LRRC69: variants seen among roughly 807,000 people sequenced by gnomAD.
LRRC69 encodes leucine-rich repeat-containing protein 69.
In LRRC69, 42 loss-of-function variants were observed where a neutral mutation model predicts 37.8. That is an observed-to-expected ratio of 1.11 (90% confidence interval 0.87 to 1.44). LRRC69 has a LOEUF of 1.44. LRRC69 is among the 40% of genes most tolerant of loss of function. The pLI, the probability that LRRC69 is intolerant of heterozygous loss-of-function variation, is 0.00. For synonymous variants in LRRC69, 141 were observed against 143.1 expected, an observed-to-expected ratio of 0.99 and a Z score of 0.11; for missense variants, 357 against 401.9, an observed-to-expected ratio of 0.89 and a Z score of 0.96.
At chr8:91,148,934 GT>G (rs995842874) in intron 5 of LRRC69, among the ~76,000 whole-genome samples, 1 of 151,674 alleles carries the variant, frequency 6.6e-6, no homozygotes, top group Non-Finnish European at 1.5e-5. Flanking sequence ...GGGGTTGTTT[GT>G]TTTTTTCTTG....
intron 6 of LRRC69, among the ~76,000 whole-genome samples, chr8:91,194,106 T>TAA (rs1809550850): frequency 4.3e-3 from 1 of 234 alleles, no homozygotes; most frequent in Non-Finnish European, 0.062. Context: ...ATTGAGATAA[T>TAA]CGTGGTTTTT....
At chr8:91,173,856 T>C (rs1164512286) in intron 5 of LRRC69, among the ~76,000 whole-genome samples, 2 of 151,806 alleles carry the variant, frequency 1.3e-5, no homozygotes, top group Non-Finnish European at 2.9e-5. Context: ...AGGCCCTACC[T>C]CGATACTATC....
chr8:91,188,747 T>C (rs1377555865), intron 5 of LRRC69, among the ~76,000 whole-genome samples: 1 of 152,196 alleles, frequency 6.6e-6, no homozygotes, highest in Non-Finnish European at 1.5e-5. Flanking sequence ...TCTTTTCTTT[T>C]TCTACTGAAG....
chr8:91,211,595 A>AATAT lies in LRRC69; in HGVS notation c.934-7276_934-7273dup, dbSNP rs144378729. On this transcript the variant is annotated intron_variant, in intron 7 of 7. Transcript: ENST00000448384. The stretch of plus-strand genomic sequence containing the variant: ...ATGTTAAGTAGACAGCAATTATACA[A>AATAT]ATATATATATATATATATATATTTT... Among the ~76,000 whole-genome samples, 715 of 140,396 alleles carry AATAT rather than the reference A, an allele frequency of 5.1e-3. 6 individuals are homozygous for AATAT. Among genetic ancestry groups the AATAT allele is most frequent in the South Asian group, 0.017 (72 of 4,266 alleles). The allele number at this position is 140,396 out of a possible 152,430, so 92.1% of individuals were successfully genotyped here. A position where few individuals can be genotyped will look rare whatever the true frequency, so the allele number is the denominator to read the frequency against.
chr8:91,191,744 G>A (rs1809499280), intron 6 of LRRC69, among the ~76,000 whole-genome samples: 1 of 152,184 alleles, frequency 6.6e-6, no homozygotes, highest in Non-Finnish European at 1.5e-5. Flanking sequence ...CTTACAGAGA[G>A]CCTTCAAGGA....
At chr8:91,136,958 C>G (rs1168647392) in intron 5 of LRRC69, among the ~76,000 whole-genome samples, 1 of 152,004 alleles carries the variant, frequency 6.6e-6, no homozygotes, top group African/African-American at 2.4e-5. Context: ...CCACAGGTAT[C>G]TGCCCACCTG....
intron 6 of LRRC69, among the ~76,000 whole-genome samples, chr8:91,197,169 G>C (rs1459288252): frequency 6.6e-6 from 1 of 152,194 alleles, no homozygotes; most frequent in Non-Finnish European, 1.5e-5. Context: ...TCAGGGGTCA[G>C]GGACCCACTT....
chr8:91,210,558 CACAG>C (rs745329168), intron 7 of LRRC69, among the ~76,000 whole-genome samples: 1 of 100,972 alleles, frequency 9.9e-6, no homozygotes, highest in African/African-American at 3.9e-5. Context: ...CACACACACA[CACAG>C]ACACACACAC....
At chr8:91,197,420 T>A (rs908625463) in intron 6 of LRRC69, among the ~76,000 whole-genome samples, 5 of 152,182 alleles carry the variant, frequency 3.3e-5, no homozygotes, top group African/African-American at 9.6e-5. Context: ...GCCTGGCCAA[T>A]GGCGGGCGCC....
intron 5 of LRRC69, among the ~76,000 whole-genome samples, chr8:91,166,392 C>T (rs1042181029): frequency 6.8e-6 from 1 of 147,718 alleles, no homozygotes; most frequent in African/African-American, 2.5e-5. Context: ...TCTTGCCACT[C>T]ATTTTTCCTT....
At chr8:91,142,822 T>C (rs1474127717) in intron 5 of LRRC69, among the ~76,000 whole-genome samples, 1 of 152,016 alleles carries the variant, frequency 6.6e-6, no homozygotes, top group Non-Finnish European at 1.5e-5. Context: ...TGTCCCAGGT[T>C]GGGGCAGTCT....
Position 91,129,293 on chromosome 8 carries a change from T to C in LRRC69, c.383+2133T>C, listed in dbSNP as rs565203991. Reference sequence around the variant, plus strand: ...CAAATTCGTCAGTCAGTGAAGTTGTTCTTCAATCTCCTGGGGAAGACAGAT... The same window carrying C: ...CAAATTCGTCAGTCAGTGAAGTTGTCCTTCAATCTCCTGGGGAAGACAGAT... On this transcript the variant is annotated intron_variant, in intron 3 of 7. Coordinates refer to ENST00000448384, the Ensembl canonical transcript of LRRC69. Among the ~76,000 whole-genome samples the C allele has an allele frequency of 2.0e-5, 3 of 152,114 alleles. No homozygotes were observed. In the South Asian group the frequency reaches 6.2e-4, roughly 32 times the overall value.
chr8:91,160,989 A>C (rs1364914608), intron 5 of LRRC69, among the ~76,000 whole-genome samples: 1 of 151,052 alleles, frequency 6.6e-6, no homozygotes, highest in Non-Finnish European at 1.5e-5. Flanking sequence ...ATTTGTTGAG[A>C]GTTTTTATCA....
intron 5 of LRRC69, chr8:91,158,074 A>G (rs61733739): frequency 1.4e-6 from 2 of 1,428,220 alleles, no homozygotes; most frequent in Admixed American, 3.4e-5. Context: ...CCTACTCAAT[A>G]CATGCCCATG....
intron 1 of LRRC69, 71 bp from the exon 2 acceptor site, chr8:91,124,421 GC>G (rs1190145751): frequency 2.6e-5 from 33 of 1,249,676 alleles, no homozygotes; most frequent in Non-Finnish European, 3.1e-5. Flanking sequence ...GAGCAAGGGA[GC>G]TTAAATTATT....
chr8:91,145,466 G>A lies in LRRC69; in HGVS notation c.651+9727G>A, dbSNP rs538130409. On this transcript the variant is annotated intron_variant, in intron 5 of 7. Coordinates refer to ENST00000448384, the Ensembl canonical transcript of LRRC69. ...GAATAGTTTATTTTCTCTGTTTAAT[G>A]TTAAGGAAAAGTATACCCTATTCTT... Among the ~76,000 whole-genome samples, 3 of 151,964 alleles carry A rather than the reference G, an allele frequency of 2.0e-5. No individual in the cohort carries two copies. In the East Asian group the frequency reaches 5.8e-4, roughly 29 times the overall value.
At chr8:91,166,477 G>T (rs1181010015) in intron 5 of LRRC69, among the ~76,000 whole-genome samples, 6 of 116,204 alleles carry the variant, frequency 5.2e-5, no homozygotes, top group African/African-American at 1.8e-4. Flanking sequence ...GGAAGAGGGG[G>T]TTGTAAAATA....
intron 1 of LRRC69, among the ~76,000 whole-genome samples, chr8:91,122,672 T>C (rs1813649806): frequency 6.6e-6 from 1 of 152,070 alleles, no homozygotes. Flanking sequence ...TGACACATTC[T>C]TGCGTATCTC....
At chr8:91,134,815 C>A (rs936024625) in intron 4 of LRRC69, among the ~76,000 whole-genome samples, 5 of 152,114 alleles carry the variant, frequency 3.3e-5, no homozygotes, top group African/African-American at 1.2e-4. Flanking sequence ...CTCCTAATAC[C>A]AAATTTTCCA....
Sources: allele counts gnomAD v4.1 joint callset (sites outside exome capture counted in the v4.1 genomes callset), GRCh38; gene constraint gnomAD v4.1.1; transcripts MANE v1.5; gene names NCBI Gene and HGNC (gene_info 2026-07-23, HGNC 2026-07-21).